NCOA7: variants seen among roughly 807,000 people sequenced by gnomAD.
NCOA7 encodes 140 kDa estrogen receptor-associated protein.
In NCOA7, 45 loss-of-function variants were observed where a neutral mutation model predicts 104.3. The observed-to-expected ratio is 0.43, with a 90% CI of 0.34 to 0.55. The LOEUF is 0.55. NCOA7 is among the 20% of genes least tolerant of loss of function. NCOA7 has a pLI of 0.02. For missense variants in NCOA7, 1,041 were observed against 1,119.7 expected, an observed-to-expected ratio of 0.93 and a Z score of 1.00; for synonymous variants, 398 against 402.3, an observed-to-expected ratio of 0.99 and a Z score of 0.13.
intron 11 of NCOA7, among the ~76,000 whole-genome samples, chr6:125,917,219 C>T (rs962513702): frequency 1.4e-5 from 2 of 147,382 alleles, no homozygotes; most frequent in Non-Finnish European, 2.9e-5. Context: ...TTTCAAAGCT[C>T]CCAGATGATT....
In NCOA7 at chr6:125,931,876, T is replaced by G. The variant is rs1788479794; in HGVS notation, c.*3105T>G. Reference sequence around the variant, plus strand: ...AGTGAGGGAGTTTTCATGAGATCTGTTTTAAAATGTTTGGCAGTTCCACCC... The same window carrying G: ...AGTGAGGGAGTTTTCATGAGATCTGGTTTAAAATGTTTGGCAGTTCCACCC... On this transcript the variant is annotated 3_prime_UTR_variant, in exon 16 of 16. Transcript: ENST00000392477. The G allele has an allele frequency of 1.3e-5, 2 of 152,122 alleles. No individual in the cohort carries two copies. Among genetic ancestry groups the G allele is most frequent in the African/African-American group, 4.8e-5 (2 of 41,408 alleles). 9.4% of individuals were successfully genotyped at this position (152,122 alleles called of 1,614,324 possible). A position where few individuals can be genotyped will look rare whatever the true frequency, so the allele number is the denominator to read the frequency against.
chr6:125,878,123 T>G, intron 4 of NCOA7, 140 bp from the exon 5 acceptor site: 2 of 442,206 alleles, frequency 4.5e-6, no homozygotes, highest in Middle Eastern at 6.0e-4. Flanking sequence ...GAATTGACAA[T>G]GTATTCATTC....
chr6:125,869,566 A>G (rs1390304411), intron 3 of NCOA7, among the ~76,000 whole-genome samples: 2 of 152,210 alleles, frequency 1.3e-5, no homozygotes, highest in Non-Finnish European at 2.9e-5. Context: ...GCTGACCTTA[A>G]GGAGATTTTC....
chr6:125,818,712 C>T (rs1323606083), intron 2 of NCOA7: 1 of 152,240 alleles, frequency 6.6e-6, no homozygotes, highest in African/African-American at 2.4e-5. Context: ...CCCCCTTCAG[C>T]CTATAATCAG....
At chr6:125,805,136 C>T (rs1021180842) in intron 1 of NCOA7, among the ~76,000 whole-genome samples, 4 of 140,984 alleles carry the variant, frequency 2.8e-5, no homozygotes, top group Non-Finnish European at 6.0e-5. Context: ...CGCTCCGTCG[C>T]CCAGGCTGGA....
chr6:125,794,033 C>G (rs1775086081), intron 1 of NCOA7, among the ~76,000 whole-genome samples: 1 of 152,128 alleles, frequency 6.6e-6, no homozygotes, highest in Admixed American at 6.5e-5. Flanking sequence ...GCTGTTAGAC[C>G]AGAAGTCTAG....
chr6:125,828,802 G>C (rs751665407), intron 2 of NCOA7, among the ~76,000 whole-genome samples: 1 of 152,152 alleles, frequency 6.6e-6, no homozygotes, highest in Non-Finnish European at 1.5e-5. Context: ...CTGTTTTGCT[G>C]ATTGCACACT....
chr6:125,889,419 C>A lies in NCOA7; in HGVS notation c.1365C>A (p.Asn455Lys), dbSNP rs758769285. 1.4e-5 allele frequency: 22 copies of A among 1,613,784 alleles called. No individual in the cohort carries two copies. The African/African-American group carries it at 1.9e-4, about 14-fold the overall frequency. Reference protein sequence around the residue: ...EERKKAESQINNSAVEMQVQS... With the variant: ...EERKKAESQIKNSAVEMQVQS... ...GAAAGAAAGCTGAGTCACAAATAAA[C>A]AATTCTGCCGTGGAAATGCAGGTGC... is the stretch of plus-strand genomic sequence containing the variant. The change falls in exon 9 of 16, where the codon AAC (asparagine) becomes AAA (lysine). Residue 455 changes from asparagine to lysine, a missense_variant. Asn to Lys is a moderately conservative substitution (Grantham distance 94, BLOSUM62 0). Around this residue, in one of 2 missense-constraint regions of NCOA7, gnomAD observed 914 missense variants for 942.7 expected, o/e 0.97. Coordinates refer to ENST00000392477, the MANE Select transcript of NCOA7 (RefSeq NM_181782.5).
chr6:125,806,055 T>C (rs1145983), intron 1 of NCOA7, among the ~76,000 whole-genome samples: 8,418 of 152,078 alleles, frequency 0.055, 757 homozygotes, highest in African/African-American at 0.19. Context: ...TAAAGGTACC[T>C]TTCAGCCGGG....
chr6:125,886,256 GT>G (rs1784252087), intron 8 of NCOA7, among the ~76,000 whole-genome samples: 1 of 151,750 alleles, frequency 6.6e-6, no homozygotes, highest in Non-Finnish European at 1.5e-5. Context: ...TTAGAATCTG[GT>G]CCACTCAGCC....
chr6:125,857,030 A>G (rs1781620294), intron 3 of NCOA7, among the ~76,000 whole-genome samples: 1 of 152,212 alleles, frequency 6.6e-6, no homozygotes, highest in Non-Finnish European at 1.5e-5. Context: ...TTGTAGCTTT[A>G]CAGTGGGCTA....
intron 4 of NCOA7, among the ~76,000 whole-genome samples, chr6:125,877,684 G>A (rs1002985935): frequency 1.3e-5 from 2 of 152,166 alleles, no homozygotes; most frequent in Admixed American, 6.5e-5. Context: ...GAAAAGTGTG[G>A]TTTTAATGAT....
At chr6:125,800,383 T>G (rs1252807042) in intron 1 of NCOA7, among the ~76,000 whole-genome samples, 2 of 152,246 alleles carry the variant, frequency 1.3e-5, no homozygotes, top group African/African-American at 4.8e-5. Flanking sequence ...GTTTTAGTTA[T>G]GTGCCTTATA....
chr6:125,889,203 T>C lies in NCOA7; in HGVS notation c.1149T>C (p.Gly383=). 6.2e-7 allele frequency: 1 copy of C among 1,614,012 alleles called. No individual in the cohort carries two copies. Among genetic ancestry groups the C allele is most frequent in the Non-Finnish European group, 8.5e-7 (1 of 1,180,004 alleles). Residue 383 remains glycine, a synonymous_variant, in exon 9 of 16, where the codon GGT becomes GGC. Transcript: ENST00000392477. ...KLDSSRETSH[G]SPTVTKLSKE... ...ACTCCTCTAGGGAGACATCCCATGG[T>C]TCTCCCACAGTGACTAAGCTCAGCA...
rs368090504 is a variant in NCOA7 at position 125,817,011 on chromosome 6, G to C, written c.50+1607G>C. On this transcript the variant is annotated intron_variant, in intron 2 of 15. Transcript: ENST00000392477. ...CTAGGTGAATGGAATCATATAGTAT[G>C]TAACCTTTGGCATTTAGCTTTTTCT... Among the ~76,000 whole-genome samples, 10 of 152,308 alleles carry C rather than the reference G, an allele frequency of 6.6e-5. No individual in the cohort carries two copies. The East Asian group carries it at 1.9e-3, about 29-fold the overall frequency.
At chr6:125,921,134 G>A in intron 12 of NCOA7, 66 bp downstream of exon 12, 1 of 1,566,568 alleles carries the variant, frequency 6.4e-7, no homozygotes, top group East Asian at 2.3e-5. Flanking sequence ...CCTTGGCCAG[G>A]TACAGTGGCT....
intron 8 of NCOA7, among the ~76,000 whole-genome samples, chr6:125,885,616 G>A (rs1347329011): frequency 6.6e-6 from 1 of 152,216 alleles, no homozygotes; most frequent in African/African-American, 2.4e-5. Flanking sequence ...AAAAAGCAGT[G>A]CACGTTCTTA....
At chr6:125,795,941 T>C (rs924638878) in intron 1 of NCOA7, among the ~76,000 whole-genome samples, 1 of 152,192 alleles carries the variant, frequency 6.6e-6, no homozygotes, top group African/African-American at 2.4e-5. Context: ...AGTTAAACAT[T>C]TGTGTTTTAG....
chr6:125,921,017 G>T lies in NCOA7; in HGVS notation c.2319G>T (p.Leu773=). The change falls in exon 12 of 16, where the codon CTG becomes CTT. Residue 773 remains leucine (L), a synonymous_variant. Coordinates refer to ENST00000392477, the MANE Select transcript of NCOA7 (RefSeq NM_181782.5). ...SYYEDEDEEV[L]PVLRPHSALL... is the part of the protein sequence containing the mutation. Reference sequence around the variant, plus strand: ...ATGAAGACGAGGACGAAGAGGTGCTGCCTGTCCTACGGCCCCACAGCGCGC... The same window carrying T: ...ATGAAGACGAGGACGAAGAGGTGCTTCCTGTCCTACGGCCCCACAGCGCGC... 6.2e-7 allele frequency: 1 copy of T among 1,613,882 alleles called. No homozygotes were observed. Among genetic ancestry groups the T allele is most frequent in the East Asian group, 2.2e-5 (1 of 44,858 alleles).
Sources: gnomAD v4.1 joint callset for allele counts (sites outside exome capture counted in the v4.1 genomes callset) on GRCh38, gnomAD v4.1.1 for gene constraint, gnomAD v4.1.1 regional missense constraint, MANE v1.5 for transcripts, NCBI Gene and HGNC (gene_info 2026-07-23, HGNC 2026-07-21) for gene names.